The following PRELID2 variants were observed in gnomAD, a reference collection of about 807,000 sequenced individuals.
PRELID2 encodes the protein PRELI domain containing 2, also known as PRELI domain-containing protein 2.
PRELID2 carries 25 observed loss-of-function variants against 28.4 expected under a neutral mutation model. The observed-to-expected ratio is 0.88, with a 90% confidence interval of 0.64 to 1.23. PRELID2 has a LOEUF of 1.23. PRELID2 is among the 50% of genes most tolerant of loss of function. The pLI, the probability that PRELID2 is intolerant of heterozygous loss-of-function variation, is 0.00. For synonymous variants in PRELID2, 76 were observed against 71.6 expected, an observed-to-expected ratio of 1.06 and a Z score of -0.31; for missense variants, 201 against 214.4, an observed-to-expected ratio of 0.94 and a Z score of 0.39.
At chr5:145,528,724 C>G (rs202221571) in intron 1 of PRELID2, among the ~76,000 whole-genome samples, 56 of 56,702 alleles carry the variant, frequency 9.9e-4, no homozygotes, top group South Asian at 3.1e-3. Flanking sequence ...CACACACACA[C>G]ACAGAGAGAG....
chr5:145,532,752 A>C (rs1049078046), intron 1 of PRELID2, among the ~76,000 whole-genome samples: 1 of 152,022 alleles, frequency 6.6e-6, no homozygotes, highest in African/African-American at 2.4e-5. Context: ...CACTAAGCAT[A>C]ATTTCCTCTG....
At chr5:145,444,509 T>A in the PRELID2 span, among the ~76,000 whole-genome samples, 2 of 152,008 alleles carry the variant, frequency 1.3e-5, no homozygotes, top group Non-Finnish European at 2.9e-5. Context: ...TGAGTGCCTG[T>A]CTCCTGAGTC....
At chr5:145,691,532 G>A (rs758683294) in intron 1 of PRELID2, among the ~76,000 whole-genome samples, 5 of 152,048 alleles carry the variant, frequency 3.3e-5, no homozygotes, top group African/African-American at 9.6e-5. Context: ...AGTGAAACCC[G>A]GTCTCTACTA....
intron 1 of PRELID2, among the ~76,000 whole-genome samples, chr5:145,738,620 A>G (rs1315731317): frequency 6.6e-6 from 1 of 152,188 alleles, no homozygotes; most frequent in Non-Finnish European, 1.5e-5. Flanking sequence ...AACAATAGAA[A>G]TTACTCAATC....
At chr5:145,278,222 C>G in the PRELID2 span, among the ~76,000 whole-genome samples, 14 of 152,256 alleles carry the variant, frequency 9.2e-5, no homozygotes, top group East Asian at 2.7e-3. Flanking sequence ...AATACACAAA[C>G]CTGGTGCATT....
chr5:145,391,131 G>A, the PRELID2 span, among the ~76,000 whole-genome samples: 2 of 152,162 alleles, frequency 1.3e-5, no homozygotes, highest in African/African-American at 4.8e-5. Flanking sequence ...AACAGAAGCT[G>A]TAAGTGAATC....
At chr5:145,275,969 T>C in the PRELID2 span, among the ~76,000 whole-genome samples, 1 of 152,146 alleles carries the variant, frequency 6.6e-6, no homozygotes, top group African/African-American at 2.4e-5. Flanking sequence ...TAGATGTACA[T>C]AACTAGCAGT....
At chr5:145,677,725 TA>T (rs936042032) in intron 1 of PRELID2, among the ~76,000 whole-genome samples, 17 of 152,008 alleles carry the variant, frequency 1.1e-4, no homozygotes, top group Admixed American at 1.0e-3. Context: ...AAAAAGGAAA[TA>T]AAAAACTGAA....
the PRELID2 span, among the ~76,000 whole-genome samples, chr5:145,410,719 T>C: frequency 6.6e-6 from 1 of 152,132 alleles, no homozygotes; most frequent in Admixed American, 6.5e-5. Context: ...ATGGGAATTA[T>C]CACAATTCAA....
chr5:145,444,920 T>TA, the PRELID2 span, among the ~76,000 whole-genome samples: 1 of 151,944 alleles, frequency 6.6e-6, no homozygotes. Flanking sequence ...ATTAATAATA[T>TA]AAAAGAATTA....
the PRELID2 span, among the ~76,000 whole-genome samples, chr5:145,392,143 C>G: frequency 6.6e-6 from 1 of 152,278 alleles, no homozygotes; most frequent in South Asian, 2.1e-4. Flanking sequence ...TACCAATTTA[C>G]TGTATTAGCC....
At chr5:145,685,518 T>C (rs564679893) in intron 1 of PRELID2, among the ~76,000 whole-genome samples, 4 of 152,260 alleles carry the variant, frequency 2.6e-5, no homozygotes, top group South Asian at 2.1e-4. Flanking sequence ...CCTCATCACA[T>C]TGAAGTTCCT....
At chr5:145,613,867 G>A (rs968899935) in intron 1 of PRELID2, among the ~76,000 whole-genome samples, 7 of 152,060 alleles carry the variant, frequency 4.6e-5, no homozygotes, top group African/African-American at 1.4e-4. Flanking sequence ...ATTTGCTTTT[G>A]GGTTCTTGGT....
At chr5:145,293,390 C>G in the PRELID2 span, among the ~76,000 whole-genome samples, 2 of 152,116 alleles carry the variant, frequency 1.3e-5, no homozygotes, top group Admixed American at 6.6e-5. Context: ...ATGTGAAGTA[C>G]TTGGCATAAA....
the PRELID2 span, among the ~76,000 whole-genome samples, chr5:145,459,523 A>C: frequency 8.5e-5 from 13 of 152,214 alleles, no homozygotes; most frequent in Non-Finnish European, 1.8e-4. Context: ...TTATATGTAC[A>C]TGAAGTATGA....
intron 4 of PRELID2, among the ~76,000 whole-genome samples, chr5:145,803,403 T>TCA (rs150866010): frequency 0.84 from 127,117 of 150,558 alleles, 54,368 homozygotes; most frequent in East Asian, 0.98. Context: ...ACGTGTAAAA[T>TCA]CACACACACA....
At chr5:145,273,975 A>T in the PRELID2 span, among the ~76,000 whole-genome samples, 1 of 152,168 alleles carries the variant, frequency 6.6e-6, no homozygotes, top group Non-Finnish European at 1.5e-5. Flanking sequence ...GCTGAAGCAT[A>T]GTGAACGAGA....
intron 1 of PRELID2, among the ~76,000 whole-genome samples, chr5:145,694,229 TA>T (rs1270511367): frequency 6.6e-6 from 1 of 152,230 alleles, no homozygotes; most frequent in East Asian, 1.9e-4. Context: ...TTTCTGTTTT[TA>T]AACACAGTGT....
the PRELID2 span, among the ~76,000 whole-genome samples, chr5:145,326,214 C>T: frequency 1.3e-5 from 2 of 152,032 alleles, no homozygotes; most frequent in Admixed American, 6.6e-5. Context: ...GTATGTTGCC[C>T]AGGCTGGTCT....
Sources: allele counts gnomAD v4.1 joint callset (sites outside exome capture counted in the v4.1 genomes callset), GRCh38; gene constraint gnomAD v4.1.1; transcripts MANE v1.5; gene names NCBI Gene and HGNC (gene_info 2026-07-23, HGNC 2026-07-21).